Variants in IQUB observed in about 807,000 individuals in gnomAD.
IQUB encodes IQ motif and ubiquitin-like domain-containing protein.
In IQUB, 86 loss-of-function variants were observed where a neutral mutation model predicts 86.4. That is an observed-to-expected ratio of 1.00 (90% confidence interval 0.84 to 1.19). The LOEUF (loss-of-function observed/expected upper bound fraction) is 1.19. IQUB is among the 50% of genes most tolerant of loss of function. IQUB has a pLI of 0.00. For missense variants in IQUB, 946 were observed against 916.9 expected, an observed-to-expected ratio of 1.03 and a Z score of -0.41; for synonymous variants, 289 against 304.5, an observed-to-expected ratio of 0.95 and a Z score of 0.53.
chr7:123,502,908 C>A (rs1796010964), intron 5 of IQUB, 36 bp downstream of exon 5: 1 of 1,549,742 alleles, frequency 6.5e-7, no homozygotes, highest in Middle Eastern at 1.7e-4. Flanking sequence ...TGAGTCTATA[C>A]CTTCAAAAAC....
At chr7:123,479,543 T>C (rs963490370) in intron 8 of IQUB, among the ~76,000 whole-genome samples, 1 of 152,128 alleles carries the variant, frequency 6.6e-6, no homozygotes, top group African/African-American at 2.4e-5. Flanking sequence ...TGTCTCCATC[T>C]TTTCCTTCAT....
chr7:123,457,239 A>G (rs1277786508), intron 12 of IQUB, 142 bp downstream of exon 12: 8 of 1,417,852 alleles, frequency 5.6e-6, no homozygotes, highest in Admixed American at 3.1e-5. Flanking sequence ...CCATCCATAA[A>G]TTTTTTTGTT....
At chr7:123,520,697 A>G (rs1391945693) in intron 1 of IQUB, among the ~76,000 whole-genome samples, 2 of 152,068 alleles carry the variant, frequency 1.3e-5, no homozygotes, top group African/African-American at 2.4e-5. Flanking sequence ...TAGATTGTGG[A>G]AGGTAGGGGA....
At chr7:123,490,784 G>A (rs1795422008) in intron 7 of IQUB, among the ~76,000 whole-genome samples, 1 of 152,094 alleles carries the variant, frequency 6.6e-6, no homozygotes, top group South Asian at 2.1e-4. Context: ...GACCAACATG[G>A]AGAAACCCCA....
At chr7:123,453,091 T>A (rs1459602128) in intron 12 of IQUB, among the ~76,000 whole-genome samples, 166 bp from the exon 13 acceptor site, 2 of 151,858 alleles carry the variant, frequency 1.3e-5, no homozygotes, top group Non-Finnish European at 2.9e-5. Flanking sequence ...TATGATACTT[T>A]AACCTGGAAG....
intron 11 of IQUB, among the ~76,000 whole-genome samples, chr7:123,458,914 TTAAC>T (rs1445157093): frequency 6.6e-6 from 1 of 152,044 alleles, no homozygotes; most frequent in East Asian, 1.9e-4. Context: ...TTTATATATA[TTAAC>T]TTTCACCTTT....
At chr7:123,506,845 C>T (rs1317650441) in intron 3 of IQUB, among the ~76,000 whole-genome samples, 1 of 152,090 alleles carries the variant, frequency 6.6e-6, no homozygotes, top group Admixed American at 6.6e-5. Flanking sequence ...TAGAGGTAAG[C>T]CAGTTTTGTG....
At chr7:123,476,363 A>C (rs980446402) in intron 8 of IQUB, among the ~76,000 whole-genome samples, 1 of 152,288 alleles carries the variant, frequency 6.6e-6, no homozygotes, top group Admixed American at 6.5e-5. Context: ...TTCCATGTAA[A>C]GGCACCCAAT....
intron 1 of IQUB, among the ~76,000 whole-genome samples, chr7:123,531,714 T>C (rs914442824): frequency 5.3e-5 from 8 of 152,250 alleles, no homozygotes; most frequent in African/African-American, 1.9e-4. Context: ...TGGTCAATTA[T>C]ACATTTTATA....
At chr7:123,465,646 G>A (rs1231978397) in intron 9 of IQUB, among the ~76,000 whole-genome samples, 1 of 151,924 alleles carries the variant, frequency 6.6e-6, no homozygotes, top group Non-Finnish European at 1.5e-5. Context: ...ATTGCCCAAG[G>A]GAAAACTGGA....
intron 3 of IQUB, 150 bp downstream of exon 3, chr7:123,509,751 T>C (rs1183985794): frequency 1.5e-6 from 1 of 669,852 alleles, no homozygotes; most frequent in African/African-American, 1.8e-5. Flanking sequence ...AGTATGTCCT[T>C]ACTAAATATG....
chr7:123,530,992 C>T (rs1373661112), intron 1 of IQUB, among the ~76,000 whole-genome samples: 1 of 152,112 alleles, frequency 6.6e-6, no homozygotes, highest in South Asian at 2.1e-4. Flanking sequence ...TTAATCCTTA[C>T]AATGACTCTG....
chr7:123,465,818 A>T (rs1040614943), intron 9 of IQUB, among the ~76,000 whole-genome samples: 3 of 151,996 alleles, frequency 2.0e-5, no homozygotes, highest in Non-Finnish European at 4.4e-5. Flanking sequence ...GGAGATTTTT[A>T]AAAATTTTAA....
At chr7:123,473,764 T>C (rs1482241156) in intron 8 of IQUB, among the ~76,000 whole-genome samples, 1 of 151,500 alleles carries the variant, frequency 6.6e-6, no homozygotes, top group East Asian at 1.9e-4. Flanking sequence ...TTTTTGTATT[T>C]TTAGTAGAGA....
At chr7:123,461,928 T>C (rs1262833945) in intron 10 of IQUB, among the ~76,000 whole-genome samples, 1 of 151,788 alleles carries the variant, frequency 6.6e-6, no homozygotes, top group Non-Finnish European at 1.5e-5. Flanking sequence ...GTTAGGAAAA[T>C]TTAGATTTTT....
chr7:123,496,433 A>T (rs1795708712), intron 7 of IQUB, among the ~76,000 whole-genome samples: 1 of 152,148 alleles, frequency 6.6e-6, no homozygotes, highest in South Asian at 2.1e-4. Flanking sequence ...AATGAGGATC[A>T]AATGAAATAA....
intron 8 of IQUB, among the ~76,000 whole-genome samples, chr7:123,475,273 C>T (rs566154087): frequency 2.0e-5 from 3 of 151,766 alleles, no homozygotes; most frequent in African/African-American, 7.3e-5. Flanking sequence ...TCCACCCCAA[C>T]AGCTTATCAA....
intron 8 of IQUB, among the ~76,000 whole-genome samples, chr7:123,477,961 G>A (rs938111489): frequency 1.3e-5 from 2 of 152,162 alleles, no homozygotes; most frequent in Non-Finnish European, 2.9e-5. Context: ...GAGAGGATGT[G>A]GAGAAATAGG....
At chr7:123,523,012 G>A (rs1282196302) in intron 1 of IQUB, among the ~76,000 whole-genome samples, 1 of 150,304 alleles carries the variant, frequency 6.7e-6, no homozygotes, top group Non-Finnish European at 1.5e-5. Flanking sequence ...TTTCATCCAT[G>A]TCCCTACAAA....
Sources: allele counts gnomAD v4.1 joint callset (sites outside exome capture counted in the v4.1 genomes callset), GRCh38; gene constraint gnomAD v4.1.1; transcripts MANE v1.5; gene names NCBI Gene and HGNC (gene_info 2026-07-23, HGNC 2026-07-21).